Variants in DACH2 observed in about 807,000 individuals in gnomAD.
DACH2 encodes the protein dachshund homolog 2.
Under a neutral mutation model 35.8 loss-of-function variants are expected in DACH2, and 17 were observed. That is an observed-to-expected ratio of 0.48 (90% CI 0.33 to 0.71). DACH2 has a LOEUF of 0.71. Among genes scored for constraint, DACH2 ranks in the 30% least tolerant of loss-of-function variants. The probability of loss-of-function intolerance (pLI) is 0.02; values close to 1 mark genes in which losing one functional copy is unlikely to be tolerated. For missense variants in DACH2, 469 were observed against 472.7 expected, an observed-to-expected ratio of 0.99 and a Z score of 0.07; for synonymous variants, 195 against 177.3, an observed-to-expected ratio of 1.10 and a Z score of -0.79.
intron 2 of DACH2, among the ~76,000 whole-genome samples, chrX:86,493,241 A>G (rs2038119730): frequency 9.0e-6 from 1 of 111,659 alleles, no homozygotes; most frequent in Non-Finnish European, 1.9e-5. Context: ...AAATAAGAAA[A>G]AAGTGAATAT....
intron 2 of DACH2, among the ~76,000 whole-genome samples, chrX:86,492,551 A>G (rs1040405613): frequency 3.1e-4 from 35 of 111,906 alleles, no homozygotes; most frequent in African/African-American, 1.1e-3. Flanking sequence ...TGATCCTGTC[A>G]CCCAGGTAGT....
chrX:86,403,006 A>C (rs148360486), intron 2 of DACH2, among the ~76,000 whole-genome samples: 1,990 of 111,982 alleles, frequency 0.018, 23 homozygotes, highest in Non-Finnish European at 0.028. Context: ...CTAGAGGCCT[A>C]AATTTTACCA....
At chrX:86,312,532 G>A (rs541001231) in intron 1 of DACH2, among the ~76,000 whole-genome samples, 4 of 111,642 alleles carry the variant, frequency 3.6e-5, no homozygotes, top group African/African-American at 9.8e-5. Context: ...GTCTGTGTGG[G>A]TGTTGCCCAA....
intron 1 of DACH2, among the ~76,000 whole-genome samples, chrX:86,194,270 A>C (rs1422074598): frequency 3.6e-5 from 4 of 111,936 alleles, no homozygotes; most frequent in Non-Finnish European, 7.5e-5. Flanking sequence ...AAAATTCTTC[A>C]TATTCTTCAT....
chrX:86,325,223 T>A (rs1174822907), intron 1 of DACH2, among the ~76,000 whole-genome samples: 1 of 111,723 alleles, frequency 9.0e-6, no homozygotes, highest in East Asian at 2.8e-4. Flanking sequence ...GAATATCTGG[T>A]ATCTAAAGGG....
At position 86,215,712 on chromosome X, in the gene DACH2, A is replaced by T. The variant is rs183186638; in HGVS notation, c.488+66604A>T. 3.9e-3 allele frequency among the ~76,000 whole-genome samples: 431 copies of T among 111,761 alleles called. 2 individuals are homozygous for T. Among genetic ancestry groups the T allele is most frequent in the Non-Finnish European group, 4.7e-3 (249 of 53,136 alleles). Reference sequence around the variant, plus strand: ...GAGATTGGTTAGAGTACAAGCACAAATGCTAGGGTCTTGTCTTCCTGATAG... The same window carrying T: ...GAGATTGGTTAGAGTACAAGCACAATTGCTAGGGTCTTGTCTTCCTGATAG... On this transcript the variant is annotated intron_variant, in intron 1 of 11. Transcript: ENST00000373125.
chrX:86,418,650 C>T (rs1383153689), intron 2 of DACH2, among the ~76,000 whole-genome samples: 1 of 111,055 alleles, frequency 9.0e-6, no homozygotes, highest in African/African-American at 3.3e-5. Flanking sequence ...CACAAAACCA[C>T]TTATTTTCCA....
At chrX:86,482,345 C>A (rs965105024) in intron 2 of DACH2, among the ~76,000 whole-genome samples, 6 of 111,832 alleles carry the variant, frequency 5.4e-5, no homozygotes, top group African/African-American at 1.6e-4. Flanking sequence ...AAAATAAATT[C>A]TCCAGTTTCC....
chrX:86,568,589 G>T (rs1300599806), intron 3 of DACH2, among the ~76,000 whole-genome samples: 5 of 111,506 alleles, frequency 4.5e-5, no homozygotes, highest in Non-Finnish European at 7.6e-5. Context: ...TGAGTTATCT[G>T]TTTTTAGAAA....
intron 3 of DACH2, among the ~76,000 whole-genome samples, chrX:86,637,608 G>A (rs923494837): frequency 3.6e-5 from 4 of 111,540 alleles, no homozygotes; most frequent in Non-Finnish European, 5.6e-5. Flanking sequence ...ATTATCCTTA[G>A]CAAACTAATG....
chrX:86,305,702 T>C (rs1474076609), intron 1 of DACH2, among the ~76,000 whole-genome samples: 1 of 110,468 alleles, frequency 9.1e-6, no homozygotes, highest in Admixed American at 9.7e-5. Context: ...ATCAGGAATA[T>C]ATATAACAAA....
At chrX:86,371,140 C>A (rs1219012380) in intron 1 of DACH2, among the ~76,000 whole-genome samples, 2 of 110,401 alleles carry the variant, frequency 1.8e-5, no homozygotes, top group Non-Finnish European at 3.8e-5. Flanking sequence ...GACATAGGGT[C>A]TTGCATTCTT....
intron 3 of DACH2, among the ~76,000 whole-genome samples, chrX:86,544,164 T>A (rs1268641300): frequency 9.0e-6 from 1 of 110,869 alleles, no homozygotes; most frequent in Non-Finnish European, 1.9e-5. Context: ...AGAGACCAAA[T>A]GTATGACTCA....
intron 3 of DACH2, among the ~76,000 whole-genome samples, chrX:86,576,659 T>G (rs1193120185): frequency 9.0e-6 from 1 of 111,307 alleles, no homozygotes; most frequent in East Asian, 2.8e-4. Context: ...CACCATAGTT[T>G]GGATGCTTGT....
chrX:86,737,826 T>A lies in DACH2; in HGVS notation c.1105-1921T>A, dbSNP rs143836459. ...TTTTTTACATGAATATATTATGTGA[T>A]GGTGAGGTTTAGGATACTAATGATC... is the stretch of plus-strand genomic sequence containing the variant. On this transcript the variant is annotated intron_variant, in intron 6 of 11. Coordinates refer to ENST00000373125, the MANE Select transcript of DACH2 (RefSeq NM_053281.3). 2.4e-4 allele frequency among the ~76,000 whole-genome samples: 27 copies of A among 112,034 alleles called. 1 individual carries two copies. The East Asian group carries it at 7.0e-3, about 29-fold the overall frequency.
chrX:86,492,191 GT>G (rs900857081), intron 2 of DACH2, among the ~76,000 whole-genome samples: 6 of 108,405 alleles, frequency 5.5e-5, no homozygotes, highest in East Asian at 2.9e-4. Context: ...CATACTTTTA[GT>G]TTTTTTTTAA....
chrX:86,759,614 G>A (rs751653269), intron 7 of DACH2, among the ~76,000 whole-genome samples: 1 of 107,809 alleles, frequency 9.3e-6, no homozygotes, highest in Admixed American at 1.0e-4. Flanking sequence ...TAAGTGAAAA[G>A]TTGAATTCAT....
chrX:86,530,141 C>T (rs1292663812), intron 3 of DACH2, among the ~76,000 whole-genome samples: 1 of 111,200 alleles, frequency 9.0e-6, no homozygotes, highest in Admixed American at 9.6e-5. Context: ...CCATTCAAGG[C>T]ATGCACTGAG....
At chrX:86,254,537 T>A (rs1247353143) in intron 1 of DACH2, among the ~76,000 whole-genome samples, 1 of 108,062 alleles carries the variant, frequency 9.3e-6, no homozygotes, top group Admixed American at 1.0e-4. Context: ...GAAATTTAGC[T>A]CTAGCAAGGA....
Sources: gnomAD v4.1 joint callset for allele counts (sites outside exome capture counted in the v4.1 genomes callset) on GRCh38, gnomAD v4.1.1 for gene constraint, MANE v1.5 for transcripts, NCBI Gene and HGNC (gene_info 2026-07-23, HGNC 2026-07-21) for gene names.